The following ARMC2 variants were observed in gnomAD, a reference collection of about 807,000 sequenced individuals.
ARMC2 encodes the protein armadillo repeat-containing protein 2.
ARMC2 carries 67 observed loss-of-function variants against 90.3 expected under a neutral mutation model. The ratio of observed to expected loss-of-function variants is 0.74; its 90% CI spans 0.61 to 0.91. The LOEUF (loss-of-function observed/expected upper bound fraction) is 0.91, where lower values mean the gene tolerates loss of function less well. Ranked by LOEUF, ARMC2 falls within the 40% of genes least tolerant of loss-of-function variation. The probability of loss-of-function intolerance (pLI) is 0.00; values close to 1 mark genes in which losing one functional copy is unlikely to be tolerated. For missense variants in ARMC2, 920 were observed against 1,030.9 expected, an observed-to-expected ratio of 0.89 and a Z score of 1.47; for synonymous variants, 393 against 393.0, an observed-to-expected ratio of 1.00 and a Z score of 0.00.
chr6:109,049,250 TATG>T, the ARMC2 span, among the ~76,000 whole-genome samples: 2 of 152,238 alleles, frequency 1.3e-5, no homozygotes, highest in East Asian at 1.9e-4. Context: ...GAACTGAATT[TATG>T]ATAAGTAAAA....
intron 12 of ARMC2, among the ~76,000 whole-genome samples, chr6:108,937,986 C>T (rs562239162): frequency 2.6e-5 from 4 of 152,312 alleles, no homozygotes; most frequent in Admixed American, 6.5e-5. Flanking sequence ...AGGCGTGAGC[C>T]ACTGCACCCG....
chr6:108,852,858 T>C (rs79140561), intron 1 of ARMC2, among the ~76,000 whole-genome samples: 1,831 of 152,274 alleles, frequency 0.012, 35 homozygotes, highest in African/African-American at 0.042. Context: ...CTGTCATGGC[T>C]GCTTAAGTTA....
chr6:108,912,502 G>C lies in ARMC2; in HGVS notation c.1294G>C (p.Glu432Gln). The C allele has an allele frequency of 6.2e-7, 1 of 1,613,998 alleles. No individual in the cohort carries two copies. Among genetic ancestry groups the C allele is most frequent in the East Asian group, 2.2e-5 (1 of 44,882 alleles). ...GATAAATTTGATAAAACAAATAAAT[G>C]AGAACATCAAGAAATGTGGTACATT... ...ILINLIKQIN[E>Q]NIKKCGTFLP... Residue 432 changes from glutamate (E) to glutamine (Q), a missense_variant, in exon 10 of 18, where the codon GAG becomes CAG. By Grantham distance (29) the Glu-to-Gln change is conservative (BLOSUM62 2). Transcript: ENST00000392644.
chr6:108,992,907 A>G, the ARMC2 span: 1 of 1,575,858 alleles, frequency 6.3e-7, no homozygotes, highest in Non-Finnish European at 8.7e-7. Context: ...CATCTGGGAA[A>G]AAAGGCCATT....
intron 6 of ARMC2, among the ~76,000 whole-genome samples, chr6:108,896,200 G>A (rs1771598694): frequency 1.3e-5 from 2 of 152,076 alleles, no homozygotes; most frequent in Non-Finnish European, 2.9e-5. Flanking sequence ...ATTGTGTCAG[G>A]TTTTTGTGTC....
chr6:108,978,456 A>G (rs1182527468), downstream of ARMC2, among the ~76,000 whole-genome samples: 1 of 152,190 alleles, frequency 6.6e-6, no homozygotes, highest in Non-Finnish European at 1.5e-5. Context: ...TGGTGCTGAG[A>G]AGAATGTATA....
intron 5 of ARMC2, among the ~76,000 whole-genome samples, chr6:108,890,913 A>AC (rs1583027713): frequency 3.2e-5 from 2 of 62,730 alleles, no homozygotes; most frequent in African/African-American, 1.2e-4. Flanking sequence ...CTAGCCCCCC[A>AC]CCCCCCGACA....
chr6:109,013,562 G>A, the ARMC2 span, among the ~76,000 whole-genome samples: 1 of 152,196 alleles, frequency 6.6e-6, no homozygotes, highest in Non-Finnish European at 1.5e-5. Flanking sequence ...AGTAGAAAAA[G>A]CAGTAATTAG....
chr6:108,890,644 G>A (rs1021990272), intron 5 of ARMC2, among the ~76,000 whole-genome samples: 2 of 152,000 alleles, frequency 1.3e-5, no homozygotes, highest in African/African-American at 4.8e-5. Flanking sequence ...TTAGACCCAG[G>A]ACCCAAACTC....
At chr6:108,916,198 GAC>G (rs1773948671) in intron 10 of ARMC2, among the ~76,000 whole-genome samples, 1 of 152,200 alleles carries the variant, frequency 6.6e-6, no homozygotes, top group Non-Finnish European at 1.5e-5. Flanking sequence ...GAAATCAAGA[GAC>G]ACTCATTTCA....
intron 12 of ARMC2, among the ~76,000 whole-genome samples, chr6:108,947,916 TA>T (rs1776918982): frequency 6.6e-6 from 1 of 152,188 alleles, no homozygotes; most frequent in Non-Finnish European, 1.5e-5. Flanking sequence ...AACATTGTGT[TA>T]AATTTAATAA....
chr6:108,915,341 C>T (rs1429674027), intron 10 of ARMC2, among the ~76,000 whole-genome samples: 1 of 152,010 alleles, frequency 6.6e-6, no homozygotes, highest in Non-Finnish European at 1.5e-5. Context: ...TAATGTCTGC[C>T]AGCCAGAGAG....
At chr6:108,891,204 A>G (rs939690263) in intron 5 of ARMC2, among the ~76,000 whole-genome samples, 4 of 152,194 alleles carry the variant, frequency 2.6e-5, no homozygotes, top group African/African-American at 4.8e-5. Context: ...CAGTGCTGCA[A>G]TATGCATACG....
In ARMC2 at chr6:108,873,213, A is replaced by G. The variant is rs115747848; in HGVS notation, c.464-2930A>G. 4.2e-3 allele frequency among the ~76,000 whole-genome samples: 638 copies of G among 152,318 alleles called. 3 individuals are homozygous for G. Among genetic ancestry groups the G allele is most frequent in the African/African-American group, 0.014 (598 of 41,568 alleles). ...GAATTTCATGTAATTTTCACTTGTC[A>G]CAAAATATTGTTCTTTCTTTGATTT... is the stretch of plus-strand genomic sequence containing the variant. On this transcript the variant is annotated intron_variant, in intron 4 of 17. Coordinates refer to ENST00000392644, the MANE Select transcript of ARMC2 (RefSeq NM_032131.6).
chr6:108,904,361 G>C lies in ARMC2; in HGVS notation c.979G>C (p.Gly327Arg). 6.2e-7 allele frequency: 1 copy of C among 1,612,332 alleles called. No individual in the cohort carries two copies. Among genetic ancestry groups the C allele is most frequent in the Non-Finnish European group, 8.5e-7 (1 of 1,179,432 alleles). Residue 327 changes from glycine to arginine, a missense_variant, in exon 8 of 18, where the codon GGT (glycine) becomes CGT (arginine). By Grantham distance (125) the Gly-to-Arg change is moderately radical (BLOSUM62 -2). Coordinates refer to ENST00000392644, the MANE Select transcript of ARMC2 (RefSeq NM_032131.6). ...LKTLCKLVDV[G>R]SDSLSLKLAK... ...GACCCTGTGTAAACTAGTTGATGTT[G>C]GTTCAGACTCGCTCAGCCTTAAACT... is the stretch of plus-strand genomic sequence containing the variant.
chr6:108,966,887 A>G (rs1426685662), intron 17 of ARMC2, among the ~76,000 whole-genome samples: 1 of 152,188 alleles, frequency 6.6e-6, no homozygotes, highest in East Asian at 1.9e-4. Flanking sequence ...TCTATTAGCT[A>G]AGATTGAGAG....
In ARMC2 at chr6:108,894,511, G is replaced by T. The variant is rs753568161; in HGVS notation, c.716G>T (p.Ser239Ile). ...GCGAGGGCCTCATCATGCCCCAGTA[G>T]CTCAGACCTGAGCAGGCTGCAAACC... ...RHARASSCPS[S>I]SDLSRLQTKA... Residue 239 changes from serine (S) to isoleucine (I), a missense_variant, in exon 6 of 18, where the codon AGC becomes ATC. Ser to Ile is a moderately radical substitution (Grantham distance 142). Coordinates refer to ENST00000392644, the MANE Select transcript of ARMC2 (RefSeq NM_032131.6). 11 of 1,611,244 alleles carry T rather than the reference G, an allele frequency of 6.8e-6. No homozygotes were observed. Among genetic ancestry groups the T allele is most frequent in the Non-Finnish European group, 8.5e-7 (1 of 1,178,756 alleles).
rs140096669 is a variant in ARMC2 at position 108,858,741 on chromosome 6, A to G, written c.291+470A>G. ...TTACAAAAAAACTAACAAAAATCCAATGGTCTCCTGTCCCCTTGTTCTTCA... is the reference window on the plus strand; with the variant it reads ...TTACAAAAAAACTAACAAAAATCCAGTGGTCTCCTGTCCCCTTGTTCTTCA... On this transcript the variant is annotated intron_variant, in intron 3 of 17. Transcript: ENST00000392644. Among the ~76,000 whole-genome samples the G allele has an allele frequency of 2.3e-4, 35 of 152,240 alleles. 1 individual carries two copies. The East Asian group carries it at 5.8e-3, about 25-fold the overall frequency.
the ARMC2 span, among the ~76,000 whole-genome samples, chr6:108,989,477 G>GA: frequency 7.2e-6 from 1 of 139,342 alleles, no homozygotes; most frequent in South Asian, 2.3e-4. Context: ...AGAAATATCT[G>GA]TATATATATC....
Sources: gnomAD v4.1 joint callset for allele counts (sites outside exome capture counted in the v4.1 genomes callset) on GRCh38, gnomAD v4.1.1 for gene constraint, MANE v1.5 for transcripts, NCBI Gene and HGNC (gene_info 2026-07-23, HGNC 2026-07-21) for gene names.